Variants in EPHB1 observed in about 807,000 individuals in gnomAD.
EPHB1 encodes the protein EPH receptor B1, also known as ephrin type-B receptor 1.
In EPHB1, 30 loss-of-function variants were observed where a neutral mutation model predicts 94.4. The observed-to-expected ratio is 0.32, with a 90% CI of 0.24 to 0.43. The LOEUF (loss-of-function observed/expected upper bound fraction) is 0.43, where lower values mean the gene tolerates loss of function less well. Among genes scored for constraint, EPHB1 ranks in the 20% least tolerant of loss-of-function variants. EPHB1 has a pLI of 1.00. For synonymous variants in EPHB1, 522 were observed against 489.1 expected (o/e 1.07, Z -0.89); for missense variants, 1,055 against 1,308.3 (o/e 0.81, Z 2.99).
intron 3 of EPHB1, among the ~76,000 whole-genome samples, chr3:135,085,874 C>A (rs1233538156): frequency 2.0e-5 from 3 of 152,186 alleles, no homozygotes; most frequent in Admixed American, 2.0e-4. Flanking sequence ...TCTTAAGTGA[C>A]CAGCCCTGAA....
At chr3:135,198,602 C>A (rs1942682232) in intron 11 of EPHB1, among the ~76,000 whole-genome samples, 1 of 152,162 alleles carries the variant, frequency 6.6e-6, no homozygotes, top group Non-Finnish European at 1.5e-5. Flanking sequence ...CACACACACC[C>A]AGGAAGCCAT....
At position 135,077,382 on chromosome 3, in the gene EPHB1, C is replaced by T. The variant is rs139164661; in HGVS notation, c.806-29066C>T. ...GACCATTCCTGCTCTCTGAACCCCT[C>T]AGCCACCATGCCTTTGACTTGCAGT... On this transcript the variant is annotated intron_variant, in intron 3 of 15. Transcript: ENST00000398015. Among the ~76,000 whole-genome samples, 6 of 152,340 alleles carry T rather than the reference C, an allele frequency of 3.9e-5. No homozygotes were observed. The East Asian group carries it at 1.2e-3, about 29-fold the overall frequency.
chr3:135,221,291 A>G (rs1372829838), intron 12 of EPHB1, among the ~76,000 whole-genome samples: 1 of 152,216 alleles, frequency 6.6e-6, no homozygotes, highest in Non-Finnish European at 1.5e-5. Flanking sequence ...AAAAATAATG[A>G]TTATTTACCT....
At chr3:135,188,273 G>T (rs542100401) in intron 10 of EPHB1, among the ~76,000 whole-genome samples, 1 of 151,372 alleles carries the variant, frequency 6.6e-6, no homozygotes, top group Non-Finnish European at 1.5e-5. Context: ...AAGGTGGGCA[G>T]ATCACGAGGT....
chr3:135,057,795 T>C (rs1467261809), intron 3 of EPHB1, among the ~76,000 whole-genome samples: 1 of 152,236 alleles, frequency 6.6e-6, no homozygotes, highest in African/African-American at 2.4e-5. Flanking sequence ...GCGTGTCCTA[T>C]GTTGCATTTA....
chr3:135,124,664 G>C (rs1225020804), intron 4 of EPHB1, among the ~76,000 whole-genome samples: 1 of 151,740 alleles, frequency 6.6e-6, no homozygotes, highest in South Asian at 2.1e-4. Context: ...ACTCAGTTCT[G>C]TCTGTATCTG....
At chr3:135,191,149 G>A (rs1214358924) in intron 10 of EPHB1, among the ~76,000 whole-genome samples, 2 of 151,970 alleles carry the variant, frequency 1.3e-5, no homozygotes, top group Non-Finnish European at 2.9e-5. Context: ...GAGAAAAAGG[G>A]AGGAAGGATG....
chr3:135,110,948 C>T (rs1294839999), intron 4 of EPHB1, among the ~76,000 whole-genome samples: 1 of 152,120 alleles, frequency 6.6e-6, no homozygotes, highest in Non-Finnish European at 1.5e-5. Context: ...ATTCCCAGGG[C>T]CTAGACCCTG....
chr3:135,028,513 GT>G (rs1936282741), intron 3 of EPHB1, among the ~76,000 whole-genome samples: 1 of 142,540 alleles, frequency 7.0e-6, no homozygotes, highest in Admixed American at 7.1e-5. Context: ...AGGTTGTTCA[GT>G]TTCCATGTAG....
intron 3 of EPHB1, among the ~76,000 whole-genome samples, chr3:135,054,970 A>C (rs1373205265): frequency 6.6e-6 from 1 of 152,232 alleles, no homozygotes; most frequent in Admixed American, 6.5e-5. Flanking sequence ...CTACTGTCAA[A>C]AATTTGAAAA....
intron 1 of EPHB1, among the ~76,000 whole-genome samples, chr3:134,912,874 T>C (rs1049336314): frequency 1.3e-5 from 2 of 152,132 alleles, no homozygotes; most frequent in African/African-American, 4.8e-5. Context: ...TTTGCAGACA[T>C]AGGAAAGGGC....
chr3:135,243,310 T>C (rs1943839081), intron 13 of EPHB1, among the ~76,000 whole-genome samples: 1 of 152,200 alleles, frequency 6.6e-6, no homozygotes, highest in African/African-American at 2.4e-5. Context: ...CAGTGTATGC[T>C]AGTTGTGACT....
intron 12 of EPHB1, among the ~76,000 whole-genome samples, chr3:135,221,555 A>G (rs923970303): frequency 2.0e-5 from 3 of 152,184 alleles, no homozygotes; most frequent in Non-Finnish European, 4.4e-5. Flanking sequence ...ATGACAGACA[A>G]TCTAACGCAC....
intron 12 of EPHB1, among the ~76,000 whole-genome samples, chr3:135,210,776 CCA>C (rs1943013844): frequency 1.3e-5 from 2 of 152,194 alleles, no homozygotes; most frequent in Non-Finnish European, 2.9e-5. Context: ...CTCTCTGGCC[CCA>C]CAGTGTGCCA....
chr3:134,918,710 A>G (rs1375737052), intron 1 of EPHB1, among the ~76,000 whole-genome samples: 2 of 152,160 alleles, frequency 1.3e-5, no homozygotes, highest in Non-Finnish European at 2.9e-5. Context: ...CATTGTCTTC[A>G]TAACACTCCA....
chr3:134,817,176 C>T (rs1403866396), intron 1 of EPHB1, among the ~76,000 whole-genome samples: 1 of 152,104 alleles, frequency 6.6e-6, no homozygotes, highest in Non-Finnish European at 1.5e-5. Flanking sequence ...CTATGGGCTG[C>T]CTGTTTTTGT....
At chr3:135,006,091 G>C (rs531108747) in intron 3 of EPHB1, among the ~76,000 whole-genome samples, 102 of 152,292 alleles carry the variant, frequency 6.7e-4, no homozygotes, top group Non-Finnish European at 1.3e-3. Flanking sequence ...CGCCATGATT[G>C]TAAGTTTCCT....
chr3:134,825,679 T>G (rs2036463592), intron 1 of EPHB1, among the ~76,000 whole-genome samples: 1 of 152,180 alleles, frequency 6.6e-6, no homozygotes, highest in African/African-American at 2.4e-5. Context: ...GGAATAGGTT[T>G]GGTGGGGCTT....
At chr3:135,119,572 C>A (rs1939864206) in intron 4 of EPHB1, among the ~76,000 whole-genome samples, 1 of 152,138 alleles carries the variant, frequency 6.6e-6, no homozygotes. Flanking sequence ...CCCACCTCAG[C>A]CTCCTGAGTA....
Sources: gnomAD v4.1 joint callset for allele counts (sites outside exome capture counted in the v4.1 genomes callset) on GRCh38, gnomAD v4.1.1 for gene constraint, MANE v1.5 for transcripts, NCBI Gene and HGNC (gene_info 2026-07-23, HGNC 2026-07-21) for gene names.